Variants in ATP2B3 observed in about 807,000 individuals in gnomAD.
ATP2B3 encodes plasma membrane calcium-transporting ATPase 3.
Under a neutral mutation model 70.8 loss-of-function variants are expected in ATP2B3, and 12 were observed. That is an observed-to-expected ratio of 0.17 (90% CI 0.11 to 0.27). ATP2B3 has a LOEUF of 0.27. ATP2B3 is among the 10% of genes least tolerant of loss of function. ATP2B3 has a pLI of 1.00. For missense variants in ATP2B3, 858 were observed against 1,118.5 expected, an observed-to-expected ratio of 0.77 and a Z score of 3.32; for synonymous variants, 460 against 497.8, an observed-to-expected ratio of 0.92 and a Z score of 1.01.
At chrX:153,562,844 C>T (rs994564630) in intron 20 of ATP2B3, among the ~76,000 whole-genome samples, 4 of 112,493 alleles carry the variant, frequency 3.6e-5, no homozygotes, top group Non-Finnish European at 5.6e-5. Context: ...CTCGAAGTCC[C>T]GGAGGCTGGA....
At position 153,541,810 on chromosome X, in the gene ATP2B3, G is replaced by T; in HGVS notation, c.548G>T (p.Arg183Leu). 1.7e-6 allele frequency: 2 copies of T among 1,211,481 alleles called. No homozygotes were observed. The highest frequency in any genetic ancestry group is 2.2e-6 in the Non-Finnish European group (2 of 895,496). The part of the protein sequence containing the change: ...FNDWSKEKQF[R>L]GLQSRIEQEQ... Reference sequence around the variant, plus strand: ...GACTGGAGCAAGGAGAAGCAGTTCCGAGGCCTGCAGAGCCGAATTGAGCAG... The same window carrying T: ...GACTGGAGCAAGGAGAAGCAGTTCCTAGGCCTGCAGAGCCGAATTGAGCAG... The change falls in exon 5 of 22, where the codon CGA becomes CTA. Residue 183 changes from arginine to leucine, a missense_variant. By Grantham distance (102) the Arg-to-Leu change is moderately radical (BLOSUM62 -2). This residue lies in a region of ATP2B3 where 278 missense variants were observed against 366.2 expected (regional missense o/e 0.76). Transcript: ENST00000263519.
chrX:153,548,026 C>T (rs782360910), intron 9 of ATP2B3, 27 bp downstream of exon 9: 1 of 1,181,949 alleles, frequency 8.5e-7, no homozygotes, highest in East Asian at 3.0e-5. Context: ...GTGGTGGGCC[C>T]AGGCCATTGA....
At chrX:153,578,244 G>A (rs1378795599) in intron 21 of ATP2B3, among the ~76,000 whole-genome samples, 1 of 112,454 alleles carries the variant, frequency 8.9e-6, no homozygotes, top group Non-Finnish European at 1.9e-5. Context: ...ATCCTAGGTC[G>A]AACCTTGGCC....
At chrX:153,521,675 T>C (rs2089961315) in intron 2 of ATP2B3, among the ~76,000 whole-genome samples, 1 of 111,544 alleles carries the variant, frequency 9.0e-6, no homozygotes, top group Non-Finnish European at 1.9e-5. Context: ...GAGCAACCAT[T>C]TTATTCCAGT....
At chrX:153,557,895 C>A in intron 16 of ATP2B3, among the ~76,000 whole-genome samples, 1 of 107,472 alleles carries the variant, frequency 9.3e-6, no homozygotes, top group Non-Finnish European at 1.9e-5. Flanking sequence ...CCCCCCCCCA[C>A]CGTGACATGT....
At chrX:153,566,765 C>A (rs2090713312) in intron 21 of ATP2B3, among the ~76,000 whole-genome samples, 1 of 111,062 alleles carries the variant, frequency 9.0e-6, no homozygotes, top group African/African-American at 3.3e-5. Context: ...TCCAATCATG[C>A]CCTCTGCCCG....
Position 153,541,486 on chromosome X carries a change from C to T in ATP2B3, c.336C>T (p.Ile112=). ...AGGCCCTGCAGGACGTGACCCTCATCATCCTGGAGGTGGCTGCCATCGTCT... is the reference window on the plus strand; with the variant it reads ...AGGCCCTGCAGGACGTGACCCTCATTATCCTGGAGGTGGCTGCCATCGTCT... ...VWEALQDVTL[I]ILEVAAIVSL... Residue 112 remains isoleucine (I), a synonymous_variant, in exon 4 of 22, where the codon ATC becomes ATT. Transcript: ENST00000263519. The T allele has an allele frequency of 3.3e-6, 4 of 1,211,910 alleles. No individual in the cohort carries two copies. Among genetic ancestry groups the T allele is most frequent in the South Asian group, 1.8e-5 (1 of 56,980 alleles).
intron 16 of ATP2B3, among the ~76,000 whole-genome samples, chrX:153,557,889 C>CCA (rs1750068689): frequency 9.3e-6 from 1 of 107,913 alleles, no homozygotes; most frequent in Non-Finnish European, 1.9e-5. Flanking sequence ...AAAGCCCCCC[C>CCA]CCCCACCGTG....
chrX:153,521,057 T>G (rs186873183), intron 2 of ATP2B3, among the ~76,000 whole-genome samples: 215 of 113,241 alleles, frequency 1.9e-3, no homozygotes, highest in Non-Finnish European at 3.5e-3. Context: ...TGGCAGCTGA[T>G]AGATGGGGAC....
chrX:153,545,352 G>C (rs1490954741), intron 7 of ATP2B3, among the ~76,000 whole-genome samples: 1 of 113,046 alleles, frequency 8.8e-6, no homozygotes, highest in African/African-American at 3.2e-5. Context: ...CAGAGTCCTA[G>C]CGTCTCATTC....
intron 21 of ATP2B3, among the ~76,000 whole-genome samples, chrX:153,577,223 G>A (rs782628341): frequency 8.8e-5 from 10 of 113,129 alleles, no homozygotes; most frequent in Non-Finnish European, 1.7e-4. Context: ...CGGTGAGACC[G>A]GAGGAGCAGT....
At chrX:153,569,388 G>T (rs1557019169) in intron 21 of ATP2B3, 4 of 529,133 alleles carry the variant, frequency 7.6e-6, no homozygotes, top group Non-Finnish European at 1.3e-5. Context: ...CTAACCATCT[G>T]CTCAGCAAAC....
chrX:153,569,963 C>T, intron 21 of ATP2B3: 1 of 423,410 alleles, frequency 2.4e-6, no homozygotes, highest in East Asian at 4.0e-5. Flanking sequence ...ACCCATGGCA[C>T]TTCCGGACCT....
chrX:153,560,960 G>C, intron 19 of ATP2B3, 73 bp downstream of exon 19: 1 of 1,134,516 alleles, frequency 8.8e-7, no homozygotes, highest in African/African-American at 1.8e-5. Flanking sequence ...AAGACCCCTC[G>C]TCCACCCCTA....
chrX:153,571,038 A>ACACACACACG (rs2090781083), intron 21 of ATP2B3, among the ~76,000 whole-genome samples: 1 of 101,886 alleles, frequency 9.8e-6, no homozygotes, highest in Non-Finnish European at 2.0e-5. Context: ...ACACACACAC[A>ACACACACACG]CTCCTTCTCC....
At chrX:153,554,516 C>A (rs1244925052) in intron 13 of ATP2B3, among the ~76,000 whole-genome samples, 1 of 112,690 alleles carries the variant, frequency 8.9e-6, no homozygotes, top group Admixed American at 9.3e-5. Flanking sequence ...GGCCAGGCTG[C>A]GGAGGCTGGG....
At chrX:153,543,243 C>T (rs782337691) in intron 7 of ATP2B3, 75 bp downstream of exon 7, 26 of 1,125,935 alleles carry the variant, frequency 2.3e-5, no homozygotes, top group South Asian at 1.1e-4. Flanking sequence ...CTTTGCGGGC[C>T]GGTGCCACTG....
Position 153,541,757 on chromosome X carries a change from C to T in ATP2B3, c.495C>T (p.Ile165=). 8.3e-7 allele frequency: 1 copy of T among 1,211,723 alleles called. No individual in the cohort carries two copies. Residue 165 remains isoleucine, a synonymous_variant, in exon 5 of 22, where the codon ATC becomes ATT. Transcript: ENST00000263519. ...GGGCTGCCATCCTGCTGTCCGTCAT[C>T]TGTGTGGTGCTGGTCACGGCCTTCA... ...IEGAAILLSV[I]CVVLVTAFND...
intron 6 of ATP2B3, 71 bp downstream of exon 6, chrX:153,542,519 A>G: frequency 1.7e-6 from 2 of 1,158,012 alleles, no homozygotes; most frequent in Non-Finnish European, 1.2e-6. Context: ...CATCCTGTCC[A>G]GGCTGCCTGC....
Sources: allele counts gnomAD v4.1 joint callset (sites outside exome capture counted in the v4.1 genomes callset), GRCh38; gene constraint gnomAD v4.1.1; regional missense constraint gnomAD v4.1.1; transcripts MANE v1.5; gene names NCBI Gene and HGNC (gene_info 2026-07-23, HGNC 2026-07-21).